The following CLIC5 variants were observed in gnomAD, a reference collection of about 807,000 sequenced individuals.
The protein encoded by CLIC5 is chloride intracellular channel protein 5.
A neutral mutation model predicts 24.7 loss-of-function variants in CLIC5; 20 were observed. The ratio of observed to expected loss-of-function variants is 0.81; its 90% CI spans 0.57 to 1.18. The LOEUF is 1.18. CLIC5 is among the 50% of genes most tolerant of loss of function. CLIC5 has a pLI of 0.00. For missense variants in CLIC5, 341 were observed against 326.1 expected, an observed-to-expected ratio of 1.05 and a Z score of -0.35; for synonymous variants, 159 against 135.6, an observed-to-expected ratio of 1.17 and a Z score of -1.20.
At chr6:46,047,906 G>T (rs535032696) in intron 1 of CLIC5, among the ~76,000 whole-genome samples, 33 of 152,024 alleles carry the variant, frequency 2.2e-4, no homozygotes, top group Non-Finnish European at 4.0e-4. Context: ...TACCTTTTGG[G>T]ATTTTTTGAT....
intron 1 of CLIC5, among the ~76,000 whole-genome samples, chr6:45,958,115 T>C (rs1041710558): frequency 7.9e-5 from 12 of 152,048 alleles, no homozygotes; most frequent in Admixed American, 6.6e-4. Context: ...TGGATTAGAA[T>C]GGGCTCTAAA....
intron 4 of CLIC5, among the ~76,000 whole-genome samples, chr6:45,926,650 A>C (rs1763510817): frequency 6.6e-6 from 1 of 152,162 alleles, no homozygotes; most frequent in Admixed American, 6.5e-5. Flanking sequence ...CTGCTAGCTG[A>C]AAAAAGTCTA....
chr6:46,024,331 A>C (rs895272576), intron 1 of CLIC5, among the ~76,000 whole-genome samples: 6 of 152,202 alleles, frequency 3.9e-5, no homozygotes, highest in Non-Finnish European at 8.8e-5. Flanking sequence ...GAACACTGCA[A>C]TCTCTAGTCA....
intron 1 of CLIC5, among the ~76,000 whole-genome samples, chr6:46,056,042 T>G (rs978617642): frequency 6.6e-6 from 1 of 152,222 alleles, no homozygotes; most frequent in Non-Finnish European, 1.5e-5. Flanking sequence ...GTACATTTGA[T>G]GCCACTGAAC....
chr6:45,965,122 C>T (rs531921137), intron 1 of CLIC5, among the ~76,000 whole-genome samples: 1 of 152,148 alleles, frequency 6.6e-6, no homozygotes, highest in African/African-American at 2.4e-5. Context: ...GCAATAAATT[C>T]AACAAAGAAA....
upstream of CLIC5, among the ~76,000 whole-genome samples, chr6:46,082,712 G>A (rs372707471): frequency 6.6e-6 from 1 of 151,938 alleles, no homozygotes; most frequent in East Asian, 1.9e-4. Context: ...CCTTCTCAAT[G>A]AGACTACACT....
At chr6:46,021,670 A>G (rs1353782624) in intron 1 of CLIC5, among the ~76,000 whole-genome samples, 1 of 152,262 alleles carries the variant, frequency 6.6e-6, no homozygotes, top group African/African-American at 2.4e-5. Context: ...TAAGTGAAAA[A>G]GAAAAGCAGT....
intron 1 of CLIC5, among the ~76,000 whole-genome samples, chr6:46,002,412 C>T (rs1384907937): frequency 6.6e-6 from 1 of 152,176 alleles, no homozygotes; most frequent in Non-Finnish European, 1.5e-5. Flanking sequence ...GACTGAGGAA[C>T]TTGGGCCAAT....
intron 1 of CLIC5, among the ~76,000 whole-genome samples, chr6:45,968,124 C>A (rs1195629451): frequency 6.6e-6 from 1 of 152,176 alleles, no homozygotes; most frequent in Non-Finnish European, 1.5e-5. Flanking sequence ...CAGGCAAAGC[C>A]ATAAGGCAGT....
In CLIC5 at chr6:45,903,047, T is replaced by C. The variant is rs1488589637; in HGVS notation, c.*41A>G. On this transcript the variant is annotated 3_prime_UTR_variant, in exon 6 of 6. Coordinates refer to ENST00000339561, the MANE Select transcript of CLIC5 (RefSeq NM_016929.5). ...TGAAGCTGGAGTCTTAGGGGAGTGG[T>C]TGAGTCCTTCTGCAGCGGGGATGGG... The C allele has an allele frequency of 6.2e-7, 1 of 1,611,622 alleles. No individual in the cohort carries two copies.
At chr6:45,911,631 T>G in intron 5 of CLIC5, 1 of 985,390 alleles carries the variant, frequency 1.0e-6, no homozygotes, top group Non-Finnish European at 1.2e-6. Flanking sequence ...AGTCATTTCA[T>G]ACTGAAATTT....
In CLIC5 at chr6:45,995,051, GT is replaced by G. The variant is rs891895074; in HGVS notation, c.63+20428del. Among the ~76,000 whole-genome samples the G allele has an allele frequency of 7.2e-5, 11 of 151,918 alleles. No individual in the cohort carries two copies. In the East Asian group the frequency reaches 9.7e-4, roughly 13 times the overall value. ...GGAAGAAAGAATTAAAGAAAGAAAT[GT>G]TTTTTTTAAAAAAAACCTCAAGGTG... On this transcript the variant is annotated intron_variant, in intron 1 of 5. Transcript: ENST00000339561.
chr6:45,985,960 T>C (rs1765720901), intron 1 of CLIC5, among the ~76,000 whole-genome samples: 1 of 152,064 alleles, frequency 6.6e-6, no homozygotes, highest in South Asian at 2.1e-4. Context: ...GGTAGGTCTT[T>C]CCCGTGCTAG....
At chr6:46,045,956 T>C (rs1317598956) in intron 1 of CLIC5, among the ~76,000 whole-genome samples, 2 of 152,250 alleles carry the variant, frequency 1.3e-5, no homozygotes, top group African/African-American at 2.4e-5. Context: ...ATTTTTCAAA[T>C]ACAAGTTTTG....
chr6:45,983,954 G>T (rs1765648276), intron 1 of CLIC5, among the ~76,000 whole-genome samples: 1 of 152,078 alleles, frequency 6.6e-6, no homozygotes, highest in Non-Finnish European at 1.5e-5. Flanking sequence ...TATCTCTTTT[G>T]TTCACTGCTG....
intron 1 of CLIC5, among the ~76,000 whole-genome samples, chr6:46,010,167 T>C (rs1766754036): frequency 6.6e-6 from 1 of 152,224 alleles, no homozygotes; most frequent in East Asian, 1.9e-4. Flanking sequence ...ATCTTGGTTC[T>C]GAGATGTGAG....
Position 45,914,098 on chromosome 6 carries a change from C to G in CLIC5, c.588+130G>C, listed in dbSNP as rs1448358756. ...CAAGCAGCAGAGGGTGACCTTGGGT[C>G]CTTATTACCTGACTTCAGGGTCCAG... is the stretch of plus-strand genomic sequence containing the variant. On this transcript the variant is annotated intron_variant, in intron 5 of 5. Coordinates refer to ENST00000339561, the MANE Select transcript of CLIC5 (RefSeq NM_016929.5). 6 of 648,268 alleles carry G rather than the reference C, an allele frequency of 9.3e-6. No homozygotes were observed. In the East Asian group the frequency reaches 1.7e-4, roughly 18 times the overall value. The allele number at this position is 648,268 out of a possible 1,614,324, so 40.2% of individuals were successfully genotyped here.
downstream of CLIC5, among the ~76,000 whole-genome samples, chr6:45,896,341 T>C (rs1285970251): frequency 6.6e-6 from 1 of 152,234 alleles, no homozygotes; most frequent in South Asian, 2.1e-4. Context: ...TAACCCTTTA[T>C]TGCCAAAAAG....
chr6:45,987,501 G>C (rs1400526351), intron 1 of CLIC5, among the ~76,000 whole-genome samples: 1 of 152,198 alleles, frequency 6.6e-6, no homozygotes, highest in African/African-American at 2.4e-5. Context: ...ATAGATTTTT[G>C]TATCGTTGTT....
Sources: allele counts gnomAD v4.1 joint callset (sites outside exome capture counted in the v4.1 genomes callset), GRCh38; gene constraint gnomAD v4.1.1; transcripts MANE v1.5; gene names NCBI Gene and HGNC (gene_info 2026-07-23, HGNC 2026-07-21).